XRN2: variants seen among roughly 807,000 people sequenced by gnomAD.
The protein encoded by XRN2 is DHM1-like protein.
A neutral mutation model predicts 138.5 loss-of-function variants in XRN2; 44 were observed. The observed-to-expected ratio is 0.32, with a 90% confidence interval of 0.25 to 0.41. XRN2 has a LOEUF of 0.41. XRN2 is among the 10% of genes least tolerant of loss of function. XRN2 has a pLI of 1.00. For synonymous variants in XRN2, 354 were observed against 369.4 expected, an observed-to-expected ratio of 0.96 and a Z score of 0.48; for missense variants, 937 against 1,169.3, an observed-to-expected ratio of 0.80 and a Z score of 2.90.
Position 21,354,885 on chromosome 20 carries a change from CT to C in XRN2, c.2020+15del. The C allele has an allele frequency of 6.2e-7, 1 of 1,600,430 alleles. No homozygotes were observed. The highest frequency in any genetic ancestry group is 8.6e-7 in the Non-Finnish European group (1 of 1,168,820). On this transcript the variant is annotated intron_variant, in intron 21 of 29. Transcript: ENST00000377191. ...ACTCCAGAAGAGAGTAAGAATTATA[CT>C]TCTTAGTTAACATTGATCTGTGTAA...
At chr20:21,376,849 G>C (rs77625835) in intron 27 of XRN2, among the ~76,000 whole-genome samples, 5,733 of 152,282 alleles carry the variant, frequency 0.038, 125 homozygotes, top group Non-Finnish European at 0.052. Flanking sequence ...GGGTCAAAGT[G>C]CCTGAAATAC....
At chr20:21,335,459 T>A (rs779024809) in intron 13 of XRN2, among the ~76,000 whole-genome samples, 1 of 152,258 alleles carries the variant, frequency 6.6e-6, no homozygotes, top group Admixed American at 6.5e-5. Flanking sequence ...CTTTGTATAC[T>A]GTAGCTAGTG....
chr20:21,331,420 C>G (rs1391125882), intron 6 of XRN2, 141 bp from the exon 7 acceptor site: 20 of 677,676 alleles, frequency 3.0e-5, no homozygotes, highest in South Asian at 2.8e-4. Context: ...CACACACACA[C>G]ACACACACAC....
At chr20:21,362,138 C>A (rs529924870) in intron 24 of XRN2, among the ~76,000 whole-genome samples, 1 of 152,166 alleles carries the variant, frequency 6.6e-6, no homozygotes, top group South Asian at 2.1e-4. Context: ...TAGGGATGAT[C>A]TTGGAGACTG....
intron 19 of XRN2, among the ~76,000 whole-genome samples, chr20:21,348,697 T>C (rs955278068): frequency 3.3e-5 from 5 of 152,080 alleles, no homozygotes; most frequent in African/African-American, 1.2e-4. Flanking sequence ...CCAGGCTGGA[T>C]TGCAGTGGCA....
At chr20:21,342,882 C>T (rs1186300750) in intron 15 of XRN2, among the ~76,000 whole-genome samples, 3 of 152,136 alleles carry the variant, frequency 2.0e-5, no homozygotes, top group Non-Finnish European at 2.9e-5. Flanking sequence ...TACAACAATA[C>T]CTGCCTCGTT....
chr20:21,375,182 A>G (rs1253904429), intron 27 of XRN2, among the ~76,000 whole-genome samples: 2 of 150,036 alleles, frequency 1.3e-5, no homozygotes, highest in Non-Finnish European at 1.5e-5. Flanking sequence ...GCTAGAATCT[A>G]TTTAATTTTT....
At chr20:21,354,913 A>G (rs372534035) in intron 21 of XRN2, 41 bp downstream of exon 21, 10 of 1,495,584 alleles carry the variant, frequency 6.7e-6, no homozygotes, top group Non-Finnish European at 8.3e-6. Flanking sequence ...TCTGTGTAAT[A>G]TACACTTTAT....
Position 21,378,389 on chromosome 20 carries a change from C to T in XRN2, c.2585-3605C>T, listed in dbSNP as rs151171064. 8.0e-3 allele frequency among the ~76,000 whole-genome samples: 1,213 copies of T among 152,218 alleles called. 8 individuals carry two copies. Among genetic ancestry groups the T allele is most frequent in the Admixed American group, 0.013 (203 of 15,296 alleles). ...AATTAACATGAAGTGCCATCTCAAC[C>T]GACAGCATAAATGAATGTGAAACTT... On this transcript the variant is annotated intron_variant, in intron 27 of 29. Transcript: ENST00000377191.
rs1047852897 is a variant in XRN2, at chr20:21,328,564, A to G, written c.321A>G (p.Pro107=). ...LLYMAIDGVA[P]RAKMNQQRSR... ...AATATGAAATACATTTTCAGGCACC[A>G]CGTGCTAAAATGAACCAGCAGCGTT... The change falls in exon 4 of 30, where the codon CCA becomes CCG. Residue 107 remains proline, a synonymous_variant. Coordinates refer to ENST00000377191, the MANE Select transcript of XRN2 (RefSeq NM_012255.5). 6 of 1,613,484 alleles carry G rather than the reference A, an allele frequency of 3.7e-6. No individual in the cohort carries two copies. Among genetic ancestry groups the G allele is most frequent in the Non-Finnish European group, 5.1e-6 (6 of 1,179,808 alleles).
intron 24 of XRN2, among the ~76,000 whole-genome samples, chr20:21,362,485 G>A (rs978152562): frequency 1.1e-4 from 17 of 151,976 alleles, no homozygotes; most frequent in Non-Finnish European, 1.6e-4. Flanking sequence ...CTTTCCCAAC[G>A]TTCCCATCCA....
rs115967450 is a variant in XRN2, at chr20:21,361,840, A to G, written c.2256-3581A>G. Among the ~76,000 whole-genome samples, 604 of 152,352 alleles carry G rather than the reference A, an allele frequency of 4.0e-3. 7 individuals carry two copies. Among genetic ancestry groups the G allele is most frequent in the African/African-American group, 0.014 (590 of 41,586 alleles). On this transcript the variant is annotated intron_variant, in intron 24 of 29. Coordinates refer to ENST00000377191, the MANE Select transcript of XRN2 (RefSeq NM_012255.5). ...GGCTGTTATCACATTGGAAAAATAC[A>G]TTTCTAAAAACATAGTAGATCTTAG...
At chr20:21,371,369 T>C (rs2038759067) in intron 27 of XRN2, among the ~76,000 whole-genome samples, 1 of 152,230 alleles carries the variant, frequency 6.6e-6, no homozygotes, top group South Asian at 2.1e-4. Flanking sequence ...TTAATGACAT[T>C]GAGTGGAGCT....
chr20:21,332,493 T>A, intron 9 of XRN2, 53 bp downstream of exon 9: 6 of 1,481,162 alleles, frequency 4.1e-6, no homozygotes, highest in Non-Finnish European at 4.6e-6. Flanking sequence ...TCTATTGTGG[T>A]AAAATGTATA....
At chr20:21,377,842 G>T (rs569110416) in intron 27 of XRN2, among the ~76,000 whole-genome samples, 1 of 152,278 alleles carries the variant, frequency 6.6e-6, no homozygotes, top group East Asian at 1.9e-4. Flanking sequence ...GGCTATGAGG[G>T]CAGAGAGGTA....
Position 21,333,633 on chromosome 20 carries a change from T to C in XRN2, c.933+15T>C, listed in dbSNP as rs547417352. ...TTCTTCGTGAGGTATGTAGCAATAA[T>C]CATTGAAATCAGCACTCTAAAGCAG... On this transcript the variant is annotated intron_variant, in intron 10 of 29. Transcript: ENST00000377191. 14 of 1,613,716 alleles carry C rather than the reference T, an allele frequency of 8.7e-6. No homozygotes were observed. The South Asian group carries it at 1.4e-4, about 16-fold the overall frequency.
intron 2 of XRN2, 40 bp downstream of exon 2, chr20:21,326,446 G>C (rs950220040): frequency 1.1e-5 from 18 of 1,613,562 alleles, no homozygotes; most frequent in Non-Finnish European, 1.4e-5. Flanking sequence ...GCAAATCACA[G>C]AGGAAACATT....
At chr20:21,339,916 A>C (rs112865649) in intron 14 of XRN2, among the ~76,000 whole-genome samples, 2,471 of 152,296 alleles carry the variant, frequency 0.016, 32 homozygotes, top group Non-Finnish European at 0.025. Flanking sequence ...AAGCAATTTC[A>C]GGAAACAAGA....
intron 9 of XRN2, among the ~76,000 whole-genome samples, chr20:21,332,938 G>A (rs1194099952): frequency 2.0e-5 from 3 of 152,084 alleles, no homozygotes; most frequent in Non-Finnish European, 4.4e-5. Context: ...TGTATTTTAG[G>A]TTCACTTGGT....
Sources: allele counts gnomAD v4.1 joint callset (sites outside exome capture counted in the v4.1 genomes callset), GRCh38; gene constraint gnomAD v4.1.1; transcripts MANE v1.5; gene names NCBI Gene and HGNC (gene_info 2026-07-23, HGNC 2026-07-21).